Variants in DOCK3 observed in about 807,000 individuals in gnomAD.
DOCK3 encodes dedicator of cytokinesis protein 3.
A neutral mutation model predicts 265.6 loss-of-function variants in DOCK3; 60 were observed. The ratio of observed to expected loss-of-function variants is 0.23; its 90% CI spans 0.18 to 0.28. The LOEUF is 0.28. DOCK3 is among the 10% of genes least tolerant of loss of function. The probability of loss-of-function intolerance (pLI) is 1.00; values close to 1 mark genes in which losing one functional copy is unlikely to be tolerated. For synonymous variants in DOCK3, 881 were observed against 938.0 expected (o/e 0.94, Z 1.11); for missense variants, 1,981 against 2,594.3 (o/e 0.76, Z 5.14).
chr3:50,957,044 C>T (rs2076750784), intron 5 of DOCK3, among the ~76,000 whole-genome samples: 1 of 152,134 alleles, frequency 6.6e-6, no homozygotes, highest in Non-Finnish European at 1.5e-5. Context: ...GGATTACAGG[C>T]GTGAGCCACC....
chr3:50,915,995 GA>G (rs2050097552), intron 4 of DOCK3, among the ~76,000 whole-genome samples: 1 of 151,914 alleles, frequency 6.6e-6, no homozygotes, highest in African/African-American at 2.4e-5. Flanking sequence ...CAGCCACAGC[GA>G]TGAAGGAATG....
chr3:51,310,137 C>T (rs2109532738), intron 27 of DOCK3, 95 bp from the exon 28 acceptor site: 1 of 907,088 alleles, frequency 1.1e-6, no homozygotes, highest in Non-Finnish European at 1.8e-6. Context: ...ACTGGTCCCA[C>T]CCATTGTCAT....
At chr3:50,788,851 T>TGCGAGG (rs1336465793) in intron 2 of DOCK3, among the ~76,000 whole-genome samples, 1 of 152,250 alleles carries the variant, frequency 6.6e-6, no homozygotes, top group Non-Finnish European at 1.5e-5. Flanking sequence ...GGCGAGTGGC[T>TGCGAGG]GCGAGGGCGC....
intron 1 of DOCK3, among the ~76,000 whole-genome samples, chr3:50,676,404 C>G (rs989948909): frequency 1.3e-5 from 2 of 152,182 alleles, no homozygotes; most frequent in Non-Finnish European, 2.9e-5. Flanking sequence ...AGGTAACTTT[C>G]TGAAACAATT....
chr3:50,819,254 CTTCT>C (rs1269105823), intron 2 of DOCK3, among the ~76,000 whole-genome samples: 2 of 152,152 alleles, frequency 1.3e-5, no homozygotes, highest in Admixed American at 6.5e-5. Context: ...TTTTCCACCT[CTTCT>C]TTCTTGTTCT....
Position 51,228,694 on chromosome 3 carries a change from C to T in DOCK3, c.1681C>T (p.Leu561=), listed in dbSNP as rs765501208. The change falls in exon 18 of 53, where the codon CTG becomes TTG. Residue 561 remains leucine, a synonymous_variant. Coordinates refer to ENST00000266037, the MANE Select transcript of DOCK3 (RefSeq NM_004947.5). The part of the protein sequence containing the change: ...DENSTFNNHA[L]YLGLPCCKED... Reference sequence around the variant, plus strand: ...GAATAGCACGTTTAATAACCATGCTCTGTACCTGGGCCTGCCCTGCTGCAA... The same window carrying T: ...GAATAGCACGTTTAATAACCATGCTTTGTACCTGGGCCTGCCCTGCTGCAA... The T allele has an allele frequency of 6.2e-5, 100 of 1,613,832 alleles. No individual in the cohort carries two copies. The highest frequency in any genetic ancestry group is 8.4e-5 in the Non-Finnish European group (99 of 1,179,876).
chr3:51,101,647 A>C (rs1266487256), intron 9 of DOCK3, among the ~76,000 whole-genome samples: 1 of 152,224 alleles, frequency 6.6e-6, no homozygotes, highest in Non-Finnish European at 1.5e-5. Context: ...GTAAGCAAAA[A>C]TGTTACAGAG....
chr3:50,969,139 T>C (rs2077119420), intron 5 of DOCK3, among the ~76,000 whole-genome samples: 1 of 152,222 alleles, frequency 6.6e-6, no homozygotes, highest in South Asian at 2.1e-4. Flanking sequence ...AGTATTTGTT[T>C]AATAAATCAA....
chr3:50,842,971 A>G (rs977029664), intron 3 of DOCK3, among the ~76,000 whole-genome samples: 1 of 152,216 alleles, frequency 6.6e-6, no homozygotes, highest in Non-Finnish European at 1.5e-5. Context: ...TATTTCCAAT[A>G]CTAGTGTTTG....
At chr3:50,936,990 C>G (rs569395428) in intron 5 of DOCK3, among the ~76,000 whole-genome samples, 6 of 152,204 alleles carry the variant, frequency 3.9e-5, no homozygotes, top group South Asian at 2.1e-4. Flanking sequence ...TTTAAGAAAA[C>G]TGTTGGCTGG....
intron 1 of DOCK3, among the ~76,000 whole-genome samples, chr3:50,702,833 T>A (rs889170727): frequency 6.6e-6 from 1 of 152,202 alleles, no homozygotes; most frequent in Admixed American, 6.5e-5. Context: ...TTGAATGCCT[T>A]TTATTTCTCT....
chr3:51,249,426 C>T (rs1447385192), intron 22 of DOCK3, among the ~76,000 whole-genome samples: 3 of 115,370 alleles, frequency 2.6e-5, no homozygotes, highest in Non-Finnish European at 5.4e-5. Flanking sequence ...AGGTGAGGGG[C>T]GCCTCTGTCC....
chr3:50,936,798 A>G (rs990122489), intron 5 of DOCK3, among the ~76,000 whole-genome samples: 2 of 152,232 alleles, frequency 1.3e-5, no homozygotes, highest in African/African-American at 4.8e-5. Flanking sequence ...TTCTAAAAGA[A>G]TGACTATAAA....
At chr3:50,975,323 C>G (rs993576119) in intron 5 of DOCK3, among the ~76,000 whole-genome samples, 1 of 151,200 alleles carries the variant, frequency 6.6e-6, no homozygotes, top group Non-Finnish European at 1.5e-5. Context: ...CCATCAATAC[C>G]TAATTTATTG....
At chr3:51,270,391 G>A (rs1357373848) in intron 23 of DOCK3, among the ~76,000 whole-genome samples, 1 of 152,222 alleles carries the variant, frequency 6.6e-6, no homozygotes, top group African/African-American at 2.4e-5. Context: ...GGTGCTGCTT[G>A]AAGGAACTCA....
At chr3:50,814,386 A>ACTCC (rs1170353249) in intron 2 of DOCK3, among the ~76,000 whole-genome samples, 3 of 150,682 alleles carry the variant, frequency 2.0e-5, no homozygotes, top group Non-Finnish European at 4.4e-5. Context: ...TCCACCTCAG[A>ACTCC]CTCCTGAGTA....
intron 1 of DOCK3, among the ~76,000 whole-genome samples, chr3:50,716,780 A>T (rs1463497): frequency 0.91 from 137,458 of 151,834 alleles, 62,374 homozygotes; most frequent in African/African-American, 0.95. Flanking sequence ...GACTTTTTTT[A>T]AATTTGGATC....
intron 5 of DOCK3, among the ~76,000 whole-genome samples, chr3:50,938,016 G>A (rs1260893288): frequency 6.6e-6 from 1 of 151,902 alleles, no homozygotes; most frequent in African/African-American, 2.4e-5. Context: ...GATGTAGGGA[G>A]GCTAAAGGTT....
intron 5 of DOCK3, among the ~76,000 whole-genome samples, chr3:50,964,209 A>G (rs1330383037): frequency 6.6e-6 from 1 of 151,952 alleles, no homozygotes; most frequent in Non-Finnish European, 1.5e-5. Flanking sequence ...GGATCAAACT[A>G]TTTCCAAATG....
Sources: gnomAD v4.1 joint callset for allele counts (sites outside exome capture counted in the v4.1 genomes callset) on GRCh38, gnomAD v4.1.1 for gene constraint, MANE v1.5 for transcripts, NCBI Gene and HGNC (gene_info 2026-07-23, HGNC 2026-07-21) for gene names.